LMBR1: variants seen among roughly 807,000 people sequenced by gnomAD.
LMBR1 encodes the protein limb development membrane protein 1.
A neutral mutation model predicts 73.9 loss-of-function variants in LMBR1; 52 were observed. The observed-to-expected ratio is 0.70, with a 90% confidence interval of 0.56 to 0.89. The LOEUF (loss-of-function observed/expected upper bound fraction) is 0.89. Among genes scored for constraint, LMBR1 ranks in the 40% least tolerant of loss-of-function variants. The pLI, the probability that LMBR1 is intolerant of heterozygous loss-of-function variation, is 0.00. For synonymous variants in LMBR1, 215 were observed against 209.4 expected (o/e 1.03, Z -0.23); for missense variants, 539 against 579.8 (o/e 0.93, Z 0.72).
At chr7:156,712,050 T>C (rs748950269) in intron 15 of LMBR1, among the ~76,000 whole-genome samples, 1 of 151,906 alleles carries the variant, frequency 6.6e-6, no homozygotes, top group Admixed American at 6.6e-5. Context: ...ATCAACAGAG[T>C]GAACAGATAA....
rs1034619589 is a variant in LMBR1 at position 156,786,157 on chromosome 7, GGGAA to G, written c.423+10228_423+10231del. The stretch of plus-strand genomic sequence containing the variant: ...AGGGAAAGAAGGAATGAGGCCGGGA[GGGAA>G]GGAAGGAAGGAAGGAGGGAGGAAAG... On this transcript the variant is annotated intron_variant, in intron 5 of 16. Coordinates refer to ENST00000353442, the MANE Select transcript of LMBR1 (RefSeq NM_022458.4). 3.0e-4 allele frequency among the ~76,000 whole-genome samples: 44 copies of G among 148,896 alleles called. 1 individual carries two copies. The highest frequency in any genetic ancestry group is 8.4e-4 in the African/African-American group (34 of 40,416).
chr7:156,804,692 A>T (rs1311550805), intron 4 of LMBR1, among the ~76,000 whole-genome samples: 3 of 149,490 alleles, frequency 2.0e-5, no homozygotes, highest in Admixed American at 6.7e-5. Flanking sequence ...CCATTTTTTC[A>T]TTTTTTTTTA....
At chr7:156,753,109 T>C (rs1248275347) in intron 9 of LMBR1, among the ~76,000 whole-genome samples, 6 of 151,870 alleles carry the variant, frequency 4.0e-5, no homozygotes, top group Admixed American at 3.3e-4. Context: ...ATTGTAAGAT[T>C]ATGCAAAAGA....
chr7:156,871,228 A>G (rs546591056), intron 1 of LMBR1, among the ~76,000 whole-genome samples: 1 of 152,316 alleles, frequency 6.6e-6, no homozygotes, highest in Non-Finnish European at 1.5e-5. Flanking sequence ...CACCCTACCA[A>G]CAAGACTAAA....
At chr7:156,703,781 T>C (rs764039447) in intron 15 of LMBR1, among the ~76,000 whole-genome samples, 2 of 152,136 alleles carry the variant, frequency 1.3e-5, no homozygotes, top group African/African-American at 4.8e-5. Context: ...CCCTTCCCCA[T>C]GCCTCTCCAA....
intron 15 of LMBR1, among the ~76,000 whole-genome samples, chr7:156,707,362 G>C (rs556383623): frequency 6.6e-6 from 1 of 152,240 alleles, no homozygotes; most frequent in Non-Finnish European, 1.5e-5. Flanking sequence ...CTGAGGCGGA[G>C]GGAATTCTTC....
intron 9 of LMBR1, among the ~76,000 whole-genome samples, chr7:156,752,296 A>C (rs1183060547): frequency 6.6e-6 from 1 of 152,216 alleles, no homozygotes; most frequent in East Asian, 1.9e-4. Flanking sequence ...TAAAGACCAA[A>C]GGAATGGGTG....
chr7:156,686,539 T>C lies in LMBR1; in HGVS notation c.1387+1491A>G, dbSNP rs73741508. Among the ~76,000 whole-genome samples the C allele has an allele frequency of 9.2e-3, 1,396 of 152,314 alleles. 23 individuals carry two copies. Among genetic ancestry groups the C allele is most frequent in the African/African-American group, 0.032 (1,326 of 41,546 alleles). ...CCCCGTAGCACACCCCAAAGAATAC[T>C]GAAAAACACTGGGGAAGAAAAGTAA... On this transcript the variant is annotated intron_variant, in intron 16 of 16. Coordinates refer to ENST00000353442, the MANE Select transcript of LMBR1 (RefSeq NM_022458.4).
chr7:156,726,652 T>G (rs1416357292), intron 12 of LMBR1, among the ~76,000 whole-genome samples: 1 of 152,086 alleles, frequency 6.6e-6, no homozygotes, highest in Admixed American at 6.5e-5. Context: ...AATAACTTTT[T>G]GACAATCTTT....
At position 156,670,342 on chromosome 7, in the gene LMBR1, A is replaced by AG; in HGVS notation, n.867-1056dup. 6.6e-6 allele frequency among the ~76,000 whole-genome samples: 1 copy of AG among 152,182 alleles called. No individual in the cohort carries two copies. Among genetic ancestry groups the AG allele is most frequent in the East Asian group, 1.9e-4 (1 of 5,186 alleles). On this transcript the variant is annotated intron_variant and non_coding_transcript_variant, in intron 4 of 4. Transcript: ENST00000430825. This position sits in a 1 kb window ranked among gnomAD's most constrained non-coding sequence, Gnocchi z 4.3. ...AGCTCACTGAGGAGTCAGGTCTGCAAGGGGGGCCCTGCGTTTTGCATCCCC... is the reference window on the plus strand; with the variant it reads ...AGCTCACTGAGGAGTCAGGTCTGCAAGGGGGGGCCCTGCGTTTTGCATCCCC...
At chr7:156,790,881 C>G (rs1829097069) in intron 5 of LMBR1, among the ~76,000 whole-genome samples, 1 of 152,188 alleles carries the variant, frequency 6.6e-6, no homozygotes, top group African/African-American at 2.4e-5. Flanking sequence ...CAAATGCTCA[C>G]TTTACATGGT....
At chr7:156,766,677 G>A (rs1377925991) in intron 5 of LMBR1, among the ~76,000 whole-genome samples, 1 of 152,154 alleles carries the variant, frequency 6.6e-6, no homozygotes, top group Non-Finnish European at 1.5e-5. Flanking sequence ...ATTAATAGCA[G>A]TGAGTGTGCT....
At chr7:156,691,743 T>A (rs183301720) in intron 15 of LMBR1, among the ~76,000 whole-genome samples, 2,616 of 150,298 alleles carry the variant, frequency 0.017, 74 homozygotes, top group African/African-American at 0.058. Context: ...CTTGTTATTT[T>A]AAAAAAAAAA....
chr7:156,673,906 T>TTAAA, downstream of LMBR1, among the ~76,000 whole-genome samples: 1 of 100,866 alleles, frequency 9.9e-6, no homozygotes, highest in South Asian at 2.7e-4. Context: ...TCCACATTAA[T>TTAAA]AAAAAAAAAA....
intron 4 of LMBR1, among the ~76,000 whole-genome samples, chr7:156,798,891 C>A (rs933539028): frequency 6.6e-6 from 1 of 151,950 alleles, no homozygotes; most frequent in Admixed American, 6.6e-5. Flanking sequence ...TTTAAAAAAA[C>A]ATTTTTAAAA....
At chr7:156,690,914 G>A (rs1449351980) in intron 15 of LMBR1, among the ~76,000 whole-genome samples, 1 of 152,124 alleles carries the variant, frequency 6.6e-6, no homozygotes, top group Admixed American at 6.6e-5. Context: ...TTTCTGGCAT[G>A]GCAATAATTA....
rs1476486178 is a variant in LMBR1 at position 156,688,084 on chromosome 7, A to C, written c.1333T>G (p.Cys445Gly). 1 of 1,612,892 alleles carries C rather than the reference A, an allele frequency of 6.2e-7. No homozygotes were observed. Among genetic ancestry groups the C allele is most frequent in the Non-Finnish European group, 8.5e-7 (1 of 1,179,604 alleles). The part of the protein sequence containing the change: ...NLLFAIVTTL[C>G]LVRKFTSAVR... ...GCAGAGGTGAATTTTCGGACCAGAC[A>C]CAATGTTGTCACAATAGCAAAAAGC... Residue 445 changes from cysteine to glycine, a missense_variant, in exon 16 of 17, where the codon TGT (cysteine) becomes GGT (glycine). Cys to Gly is a radical substitution (Grantham distance 159). Coordinates refer to ENST00000353442, the MANE Select transcript of LMBR1 (RefSeq NM_022458.4).
At position 156,688,069 on chromosome 7, in the gene LMBR1, A is replaced by G. The variant is rs1261163203; in HGVS notation, c.1348T>C (p.Phe450Leu). The G allele has an allele frequency of 6.2e-7, 1 of 1,611,770 alleles. No homozygotes were observed. The change falls in exon 16 of 17, where the codon TTC (phenylalanine) becomes CTC (leucine). Residue 450 changes from phenylalanine (F) to leucine (L), a missense_variant. This residue lies in a region of LMBR1 where 69 missense variants were observed against 68.5 expected (regional missense o/e 1.01). Transcript: ENST00000353442. ...AGTTCTTCTCGAACTGCAGAGGTGA[A>G]TTTTCGGACCAGACACAATGTTGTC... Reference protein sequence around the residue: ...IVTTLCLVRKFTSAVREELFK... With the variant: ...IVTTLCLVRKLTSAVREELFK...
At chr7:156,827,289 A>G (rs1240532339) in intron 3 of LMBR1, among the ~76,000 whole-genome samples, 1 of 152,184 alleles carries the variant, frequency 6.6e-6, no homozygotes, top group African/African-American at 2.4e-5. Context: ...ACTATTAAAC[A>G]GTATTGTACT....
Sources: gnomAD v4.1 joint callset for allele counts (sites outside exome capture counted in the v4.1 genomes callset) on GRCh38, gnomAD v4.1.1 for gene constraint, gnomAD v4.1.1 regional missense constraint, Gnocchi (gnomAD v3.1) non-coding constraint, MANE v1.5 for transcripts, NCBI Gene and HGNC (gene_info 2026-07-23, HGNC 2026-07-21) for gene names.